The following PCTP variants were observed in gnomAD, a reference collection of about 807,000 sequenced individuals.
PCTP encodes the protein phosphatidylcholine transfer protein.
PCTP carries 27 observed loss-of-function variants against 31.0 expected under a neutral mutation model. The ratio of observed to expected loss-of-function variants is 0.87; its 90% confidence interval spans 0.64 to 1.20. PCTP has a LOEUF of 1.20. Among genes scored for constraint, PCTP ranks in the 50% most tolerant of loss-of-function variants. PCTP has a pLI of 0.00. For missense variants in PCTP, 287 were observed against 268.2 expected (o/e 1.07, Z -0.49); for synonymous variants, 108 against 101.2 (o/e 1.07, Z -0.40).
downstream of PCTP, among the ~76,000 whole-genome samples, chr17:55,846,070 C>A (rs1906144312): frequency 6.6e-6 from 1 of 152,000 alleles, no homozygotes; most frequent in African/African-American, 2.4e-5. Context: ...TAAGTAAATT[C>A]TAAGGTCTCC....
the PCTP span, among the ~76,000 whole-genome samples, chr17:55,848,172 G>C: frequency 6.6e-6 from 1 of 152,136 alleles, no homozygotes; most frequent in Non-Finnish European, 1.5e-5. Flanking sequence ...AGCCTCCCCA[G>C]TTGCTGAGAT....
downstream of PCTP, among the ~76,000 whole-genome samples, chr17:55,845,978 C>T (rs376976743): frequency 7.9e-5 from 12 of 151,222 alleles, no homozygotes; most frequent in East Asian, 2.3e-3. Flanking sequence ...GAAATGCGCC[C>T]TGTGTATCCA....
At chr17:55,811,795 G>T (rs758072558) in intron 3 of PCTP, among the ~76,000 whole-genome samples, 12 of 152,182 alleles carry the variant, frequency 7.9e-5, no homozygotes, top group Non-Finnish European at 1.5e-4. Context: ...TCAGGCATCT[G>T]CCAAAAGCTT....
At chr17:55,844,499 T>G (rs150810130), downstream of PCTP, among the ~76,000 whole-genome samples, 2,149 of 152,236 alleles carry the variant, frequency 0.014, 28 homozygotes, top group Middle Eastern at 0.061. Context: ...TCATAGAAGC[T>G]TAGAGTTTTA....
chr17:55,755,667 T>C (rs1282648471), intron 1 of PCTP, among the ~76,000 whole-genome samples: 1 of 152,232 alleles, frequency 6.6e-6, no homozygotes, highest in Non-Finnish European at 1.5e-5. Flanking sequence ...TAAGCCATGC[T>C]GTCCAACACC....
intron 3 of PCTP, 69 bp from the exon 4 acceptor site, chr17:55,773,655 G>A (rs1434257678): frequency 1.3e-6 from 2 of 1,482,214 alleles, no homozygotes; most frequent in East Asian, 2.3e-5. Flanking sequence ...TTTGCTTCCA[G>A]CTTGTGGCGC....
At chr17:55,772,653 G>A (rs1429528365) in intron 3 of PCTP, among the ~76,000 whole-genome samples, 1 of 151,620 alleles carries the variant, frequency 6.6e-6, no homozygotes, top group Non-Finnish European at 1.5e-5. Flanking sequence ...GTGTAATTGT[G>A]TTGTGCGTAG....
chr17:55,847,931 G>GT, the PCTP span, among the ~76,000 whole-genome samples: 52 of 150,166 alleles, frequency 3.5e-4, no homozygotes, highest in South Asian at 1.3e-3. Context: ...TTTTGTTTTT[G>GT]TTTTTTTTTG....
intron 5 of PCTP, among the ~76,000 whole-genome samples, chr17:55,832,656 G>C (rs115123360): frequency 5.0e-4 from 76 of 152,338 alleles, no homozygotes; most frequent in African/African-American, 1.8e-3. Flanking sequence ...GCTGCTGCAT[G>C]TAATCCCTAA....
At chr17:55,757,474 A>G (rs549813588) in intron 1 of PCTP, among the ~76,000 whole-genome samples, 56 of 136,478 alleles carry the variant, frequency 4.1e-4, no homozygotes, top group Non-Finnish European at 5.0e-5. Context: ...ACACACACAC[A>G]CGTATGTATA....
intron 1 of PCTP, among the ~76,000 whole-genome samples, chr17:55,753,846 C>A (rs1340867979): frequency 6.6e-6 from 1 of 152,162 alleles, no homozygotes; most frequent in Non-Finnish European, 1.5e-5. Flanking sequence ...GGATTTAGAT[C>A]CAAGTCCATC....
chr17:55,792,010 C>T (rs1232334887), intron 3 of PCTP, among the ~76,000 whole-genome samples: 2 of 150,856 alleles, frequency 1.3e-5, no homozygotes, highest in South Asian at 2.1e-4. Context: ...TTTGTAGGGA[C>T]ATGGATGAAA....
At chr17:55,834,571 C>T (rs1905715580) in intron 5 of PCTP, among the ~76,000 whole-genome samples, 1 of 152,182 alleles carries the variant, frequency 6.6e-6, no homozygotes, top group Admixed American at 6.5e-5. Flanking sequence ...AGCTTTTCAC[C>T]TGCGGTCCAT....
chr17:55,844,825 C>T (rs1204438637), downstream of PCTP, among the ~76,000 whole-genome samples: 3 of 151,960 alleles, frequency 2.0e-5, no homozygotes, highest in Non-Finnish European at 4.4e-5. Flanking sequence ...CGCGGTGGCT[C>T]ACGCCTAAAA....
At chr17:55,830,368 G>A (rs759541715) in intron 5 of PCTP, among the ~76,000 whole-genome samples, 1 of 152,114 alleles carries the variant, frequency 6.6e-6, no homozygotes, top group Non-Finnish European at 1.5e-5. Flanking sequence ...TGCAATTTTT[G>A]TTGATGGACT....
intron 3 of PCTP, among the ~76,000 whole-genome samples, chr17:55,820,232 A>G (rs1223920151): frequency 2.0e-5 from 3 of 152,258 alleles, no homozygotes; most frequent in Admixed American, 2.0e-4. Context: ...TGACAAGACA[A>G]TGCACAGAAT....
intron 3 of PCTP, among the ~76,000 whole-genome samples, chr17:55,805,617 C>T (rs911866650): frequency 6.6e-6 from 1 of 151,600 alleles, no homozygotes; most frequent in Admixed American, 6.6e-5. Context: ...TATACACACA[C>T]ATATATATGA....
chr17:55,822,276 G>C (rs1913138778), intron 3 of PCTP, among the ~76,000 whole-genome samples: 2 of 152,214 alleles, frequency 1.3e-5, no homozygotes, highest in Admixed American at 1.3e-4. Flanking sequence ...AGTAATTAAG[G>C]GGAAAGGGGG....
chr17:55,837,886 A>C, intron 5 of PCTP, among the ~76,000 whole-genome samples: 1 of 152,116 alleles, frequency 6.6e-6, no homozygotes, highest in East Asian at 1.9e-4. Context: ...CTTTAATCCC[A>C]GCACTTCAGG....
Sources: allele counts gnomAD v4.1 joint callset (sites outside exome capture counted in the v4.1 genomes callset), GRCh38; gene constraint gnomAD v4.1.1; transcripts MANE v1.5; gene names NCBI Gene and HGNC (gene_info 2026-07-23, HGNC 2026-07-21).